APP: variants seen among roughly 807,000 people sequenced by gnomAD.
APP encodes amyloid-beta precursor protein.
In APP, 31 loss-of-function variants were observed where a neutral mutation model predicts 101.4. That is an observed-to-expected ratio of 0.31 (90% confidence interval 0.23 to 0.41). APP has a LOEUF of 0.41. Ranked by LOEUF, APP falls within the 10% of genes least tolerant of loss-of-function variation. The pLI is 1.00. For missense variants in APP, 839 were observed against 1,003.7 expected (o/e 0.84, Z 2.22); for synonymous variants, 366 against 364.4 (o/e 1.00, Z -0.05).
At chr21:26,116,113 C>T (rs928762346) in intron 1 of APP, among the ~76,000 whole-genome samples, 51 of 152,272 alleles carry the variant, frequency 3.3e-4, no homozygotes, top group African/African-American at 1.2e-3. Flanking sequence ...CATGGGAAAA[C>T]AGTGTTCCTG....
chr21:26,096,708 C>T (rs963013750), intron 2 of APP, among the ~76,000 whole-genome samples: 1 of 151,954 alleles, frequency 6.6e-6, no homozygotes, highest in Non-Finnish European at 1.5e-5. Context: ...GCGAGGAGGT[C>T]GAGGCTGCAG....
At chr21:26,029,291 T>A (rs1427621023) in intron 5 of APP, among the ~76,000 whole-genome samples, 1 of 152,072 alleles carries the variant, frequency 6.6e-6, no homozygotes, top group Non-Finnish European at 1.5e-5. Context: ...CATGAATGGA[T>A]GCTGGGAAGC....
intron 6 of APP, among the ~76,000 whole-genome samples, chr21:26,015,538 T>C (rs2044016209): frequency 6.6e-6 from 1 of 152,192 alleles, no homozygotes; most frequent in Non-Finnish European, 1.5e-5. Flanking sequence ...GGCATGATGG[T>C]AAGCGTTTAA....
At chr21:25,932,999 T>G (rs1601443340) in intron 13 of APP, among the ~76,000 whole-genome samples, 1 of 152,370 alleles carries the variant, frequency 6.6e-6, no homozygotes, top group Non-Finnish European at 1.5e-5. Context: ...TGATACATAA[T>G]AGATGTGCAT....
intron 8 of APP, among the ~76,000 whole-genome samples, chr21:25,982,859 A>T (rs1419356635): frequency 6.6e-6 from 1 of 152,240 alleles, no homozygotes; most frequent in African/African-American, 2.4e-5. Context: ...TGATATCATC[A>T]ATATCATACA....
chr21:25,981,024 T>TA (rs2042412025), intron 9 of APP, among the ~76,000 whole-genome samples: 1 of 152,188 alleles, frequency 6.6e-6, no homozygotes, highest in African/African-American at 2.4e-5. Context: ...AGTGGTCTGG[T>TA]ACCTGGTCCT....
chr21:26,170,804 G>A (rs2063732013), upstream of APP: 1 of 602,850 alleles, frequency 1.7e-6, no homozygotes, highest in Non-Finnish European at 2.6e-6. Context: ...CTCAGAGCCA[G>A]GCGAGTCAGC....
chr21:25,940,566 CTAAT>C (rs1417443575), intron 13 of APP, among the ~76,000 whole-genome samples: 2 of 152,084 alleles, frequency 1.3e-5, no homozygotes, highest in Non-Finnish European at 2.9e-5. Flanking sequence ...TAATCTACAA[CTAAT>C]TATCAGATAT....
intron 3 of APP, among the ~76,000 whole-genome samples, chr21:26,066,857 A>AGT (rs936699822): frequency 6.6e-6 from 1 of 152,208 alleles, no homozygotes; most frequent in African/African-American, 2.4e-5. Flanking sequence ...AAGCAGATCA[A>AGT]GTGATTTCCA....
At chr21:25,902,930 G>C (rs866316735) in intron 15 of APP, among the ~76,000 whole-genome samples, 1 of 152,098 alleles carries the variant, frequency 6.6e-6, no homozygotes, top group Non-Finnish European at 1.5e-5. Context: ...TATTCTTACT[G>C]TTATGAGAAA....
At chr21:26,017,198 C>CAAAAA (rs35206910) in intron 6 of APP, among the ~76,000 whole-genome samples, 1,630 of 55,984 alleles carry the variant, frequency 0.029, 133 homozygotes, top group African/African-American at 0.058. Context: ...GACTGTATCT[C>CAAAAA]AAAAAAAAAA....
chr21:25,907,595 T>C (rs887628226), intron 14 of APP, among the ~76,000 whole-genome samples: 3 of 152,224 alleles, frequency 2.0e-5, no homozygotes, highest in Admixed American at 2.0e-4. Context: ...CAGAAATGAG[T>C]TATTCTCTTG....
chr21:25,972,483 AGG>A (rs70941292), intron 11 of APP, among the ~76,000 whole-genome samples: 3 of 88,234 alleles, frequency 3.4e-5, no homozygotes, highest in Non-Finnish European at 6.6e-5. Context: ...AAGGTATAAA[AGG>A]GACATTTTTG....
intron 5 of APP, among the ~76,000 whole-genome samples, chr21:26,039,823 T>A (rs532425616): frequency 9.2e-5 from 14 of 151,580 alleles, no homozygotes; most frequent in African/African-American, 2.7e-4. Context: ...TTGCAAAAAA[T>A]TTATTTATAT....
At chr21:25,893,618 C>A (rs1484959859) in intron 16 of APP, among the ~76,000 whole-genome samples, 1 of 152,142 alleles carries the variant, frequency 6.6e-6, no homozygotes, top group Non-Finnish European at 1.5e-5. Context: ...ACAAGGCCCA[C>A]AACTGTCTTC....
chr21:26,122,814 G>A (rs930282315), intron 1 of APP, among the ~76,000 whole-genome samples: 9 of 145,648 alleles, frequency 6.2e-5, no homozygotes, highest in African/African-American at 1.5e-4. Flanking sequence ...GGTCATTAAC[G>A]CAAGTCATAT....
chr21:25,892,536 A>G (rs45540635), intron 16 of APP, among the ~76,000 whole-genome samples: 1,696 of 90,248 alleles, frequency 0.019, 31 homozygotes, highest in African/African-American at 0.043. Flanking sequence ...TTTAAAGCAT[A>G]ATGTTATTTC....
intron 1 of APP, among the ~76,000 whole-genome samples, chr21:26,161,546 G>C (rs2063491898): frequency 6.6e-6 from 1 of 151,838 alleles, no homozygotes; most frequent in Non-Finnish European, 1.5e-5. Flanking sequence ...TAAGAATCTA[G>C]GTTTCTTTGT....
chr21:26,126,295 A>T (rs61440608), intron 1 of APP, among the ~76,000 whole-genome samples: 9,004 of 152,272 alleles, frequency 0.059, 430 homozygotes, highest in East Asian at 0.18. Flanking sequence ...GCCTCTTCAG[A>T]TGTGCTAAAA....
Sources: gnomAD v4.1 joint callset for allele counts (sites outside exome capture counted in the v4.1 genomes callset) on GRCh38, gnomAD v4.1.1 for gene constraint, MANE v1.5 for transcripts, NCBI Gene and HGNC (gene_info 2026-07-23, HGNC 2026-07-21) for gene names.